MAML2: variants seen among roughly 807,000 people sequenced by gnomAD.
The protein encoded by MAML2 is mastermind-like protein 2.
In MAML2, 22 loss-of-function variants were observed where a neutral mutation model predicts 96.1. That is an observed-to-expected ratio of 0.23 (90% confidence interval 0.16 to 0.33). The LOEUF (loss-of-function observed/expected upper bound fraction) is 0.33, where lower values mean the gene tolerates loss of function less well. Among genes scored for constraint, MAML2 ranks in the 10% least tolerant of loss-of-function variants. The pLI is 1.00. For synonymous variants in MAML2, 561 were observed against 521.3 expected, an observed-to-expected ratio of 1.08 and a Z score of -1.04; for missense variants, 1,367 against 1,392.4, an observed-to-expected ratio of 0.98 and a Z score of 0.29.
At chr11:96,334,297 CTAA>C in intron 1 of MAML2, among the ~76,000 whole-genome samples, 1 of 152,318 alleles carries the variant, frequency 6.6e-6, no homozygotes, top group South Asian at 2.1e-4. Context: ...ACTTCACACA[CTAA>C]TAATAACAGC....
At chr11:96,113,445 A>G (rs1860168107) in intron 1 of MAML2, among the ~76,000 whole-genome samples, 1 of 152,164 alleles carries the variant, frequency 6.6e-6, no homozygotes, top group South Asian at 2.1e-4. Context: ...TAAGCCTGAT[A>G]AAATGATTTA....
Position 96,031,425 on chromosome 11 carries a change from C to T in MAML2, c.2140-39702G>A, listed in dbSNP as rs139629630. On this transcript the variant is annotated intron_variant, in intron 2 of 4. Transcript: ENST00000524717. ...TTCCAAACTATGCTAAAGAGAAAAA[C>T]AAATTAGTTTATTTACTGCAGTACC... 4.4e-3 allele frequency among the ~76,000 whole-genome samples: 663 copies of T among 151,972 alleles called. 7 individuals carry two copies. Among genetic ancestry groups the T allele is most frequent in the Admixed American group, 6.7e-3 (103 of 15,260 alleles).
At chr11:96,044,398 C>T (rs984489635) in intron 2 of MAML2, among the ~76,000 whole-genome samples, 1 of 152,188 alleles carries the variant, frequency 6.6e-6, no homozygotes, top group Non-Finnish European at 1.5e-5. Context: ...TCCCTGCCTA[C>T]TGCACAAATT....
intron 2 of MAML2, among the ~76,000 whole-genome samples, chr11:96,041,686 G>A (rs889394746): frequency 1.4e-4 from 22 of 152,012 alleles, no homozygotes; most frequent in Non-Finnish European, 2.5e-4. Context: ...TGTGCCTGAT[G>A]TATGAGAAAT....
intron 2 of MAML2, among the ~76,000 whole-genome samples, chr11:96,016,478 C>T (rs1281796558): frequency 6.6e-6 from 1 of 152,168 alleles, no homozygotes; most frequent in Non-Finnish European, 1.5e-5. Context: ...CCTGTCCCTC[C>T]ACCATGCCTC....
chr11:96,324,985 T>C (rs912081484), intron 1 of MAML2, among the ~76,000 whole-genome samples: 13 of 152,232 alleles, frequency 8.5e-5, no homozygotes, highest in Non-Finnish European at 1.3e-4. Context: ...TCTTGCCTTG[T>C]ATTCTTACAA....
chr11:96,333,112 CAGTT>C (rs1863875017), intron 1 of MAML2, among the ~76,000 whole-genome samples: 1 of 152,144 alleles, frequency 6.6e-6, no homozygotes, highest in Non-Finnish European at 1.5e-5. Flanking sequence ...ATGTGGGTGA[CAGTT>C]ATTAGAGGGC....
intron 1 of MAML2, among the ~76,000 whole-genome samples, chr11:96,176,355 G>T (rs1861388576): frequency 6.6e-6 from 1 of 152,156 alleles, no homozygotes; most frequent in Admixed American, 6.5e-5. Flanking sequence ...ACTGTAATAT[G>T]CTAGATACTA....
chr11:96,005,172 G>A (rs1166151932), intron 2 of MAML2, among the ~76,000 whole-genome samples: 1 of 152,104 alleles, frequency 6.6e-6, no homozygotes, highest in African/African-American at 2.4e-5. Flanking sequence ...CCCATTCTGT[G>A]GTATTTTGTT....
At chr11:95,980,931 C>T (rs1390722934) in intron 4 of MAML2, among the ~76,000 whole-genome samples, 1 of 152,176 alleles carries the variant, frequency 6.6e-6, no homozygotes, top group Admixed American at 6.5e-5. Flanking sequence ...ACTGCTGGTC[C>T]TGGATGAAGA....
chr11:96,070,571 G>A, intron 2 of MAML2, among the ~76,000 whole-genome samples: 1 of 152,238 alleles, frequency 6.6e-6, no homozygotes, highest in East Asian at 1.9e-4. Context: ...CAGAGAGCTG[G>A]TACCTGTGTA....
intron 1 of MAML2, among the ~76,000 whole-genome samples, chr11:96,211,726 G>A (rs1861975394): frequency 1.3e-5 from 2 of 152,134 alleles, no homozygotes; most frequent in Admixed American, 1.3e-4. Flanking sequence ...AGATGGAAAG[G>A]GGTTGGAGCT....
chr11:96,289,833 T>TA (rs538511788), intron 1 of MAML2, among the ~76,000 whole-genome samples: 2,749 of 150,208 alleles, frequency 0.018, 34 homozygotes, highest in Non-Finnish European at 0.021. Flanking sequence ...TGTTCTCTCT[T>TA]AAAAAAAAAT....
Position 96,242,022 on chromosome 11 carries a change from G to A in MAML2, c.513+99361C>T, listed in dbSNP as rs546124078. On this transcript the variant is annotated intron_variant, in intron 1 of 4. Transcript: ENST00000524717. Reference sequence around the variant, plus strand: ...TATCTTTGCATGAGAGCCCATGCAAGTGTGATTGGAGCAGAAAGCTAAGGT... The same window carrying A: ...TATCTTTGCATGAGAGCCCATGCAAATGTGATTGGAGCAGAAAGCTAAGGT... Among the ~76,000 whole-genome samples the A allele has an allele frequency of 1.4e-4, 22 of 152,332 alleles. No homozygotes were observed. In the East Asian group the frequency reaches 3.3e-3, roughly 23 times the overall value.
intron 1 of MAML2, among the ~76,000 whole-genome samples, chr11:96,332,527 C>G (rs1375934801): frequency 6.6e-6 from 1 of 152,202 alleles, no homozygotes; most frequent in Non-Finnish European, 1.5e-5. Context: ...CCAAACTTTA[C>G]TAAACGGTTG....
intron 1 of MAML2, among the ~76,000 whole-genome samples, chr11:96,111,651 C>T (rs1016845479): frequency 1.3e-5 from 2 of 152,206 alleles, no homozygotes; most frequent in African/African-American, 4.8e-5. Flanking sequence ...ATGCTGCATA[C>T]GCATAACCTC....
chr11:96,243,368 G>A (rs916301983), intron 1 of MAML2, among the ~76,000 whole-genome samples: 2 of 152,174 alleles, frequency 1.3e-5, no homozygotes, highest in African/African-American at 4.8e-5. Context: ...CTCCTTAAAC[G>A]GCAGGCACTT....
intron 1 of MAML2, among the ~76,000 whole-genome samples, chr11:96,333,634 T>C (rs151230630): frequency 6.6e-6 from 1 of 152,128 alleles, no homozygotes. Flanking sequence ...GCATGGAAAT[T>C]TCAACATGCT....
intron 1 of MAML2, among the ~76,000 whole-genome samples, chr11:96,305,931 A>C (rs978270125): frequency 6.6e-6 from 1 of 152,204 alleles, no homozygotes; most frequent in African/African-American, 2.4e-5. Context: ...TTAAAAGACA[A>C]AGTGAAATGC....
Sources: gnomAD v4.1 joint callset for allele counts (sites outside exome capture counted in the v4.1 genomes callset) on GRCh38, gnomAD v4.1.1 for gene constraint, MANE v1.5 for transcripts, NCBI Gene and HGNC (gene_info 2026-07-23, HGNC 2026-07-21) for gene names.